Variants in NOP58 observed in about 807,000 individuals in gnomAD.
NOP58 encodes NOP58 ribonucleoprotein, also known as nucleolar protein 58.
Under a neutral mutation model 71.2 loss-of-function variants are expected in NOP58, and 44 were observed. The observed-to-expected ratio is 0.62, with a 90% CI of 0.49 to 0.79. The LOEUF is 0.79. Among genes scored for constraint, NOP58 ranks in the 30% least tolerant of loss-of-function variants. The pLI is 0.00. For missense variants in NOP58, 538 were observed against 620.2 expected, an observed-to-expected ratio of 0.87 and a Z score of 1.41; for synonymous variants, 228 against 200.3, an observed-to-expected ratio of 1.14 and a Z score of -1.17.
chr2:202,281,589 GCCACCACAC>G (rs1308826822), intron 3 of NOP58, among the ~76,000 whole-genome samples: 2 of 152,120 alleles, frequency 1.3e-5, no homozygotes, highest in African/African-American at 4.8e-5. Flanking sequence ...ACAGGCACAT[GCCACCACAC>G]CCAGCTAATT....
At chr2:202,292,720 A>G (rs1344917556) in intron 8 of NOP58, 57 bp from the exon 9 acceptor site, 2 of 1,463,218 alleles carry the variant, frequency 1.4e-6, no homozygotes, top group Non-Finnish European at 1.9e-6. Context: ...TTAGACAGGA[A>G]TTTTTACTGT....
chr2:202,297,300 C>G (rs913532392), intron 10 of NOP58, 79 bp from the exon 11 acceptor site: 1 of 1,310,500 alleles, frequency 7.6e-7, no homozygotes, highest in African/African-American at 1.5e-5. Context: ...AGTTTTATAA[C>G]TCCTGATTTT....
At chr2:202,296,033 AT>A (rs1486535652) in intron 10 of NOP58, among the ~76,000 whole-genome samples, 196 bp downstream of exon 10, 1 of 152,064 alleles carries the variant, frequency 6.6e-6, no homozygotes, top group African/African-American at 2.4e-5. Context: ...TATTGGTTGG[AT>A]TAAAGCCAGT....
At chr2:202,280,116 T>C (rs931439202) in intron 3 of NOP58, among the ~76,000 whole-genome samples, 1 of 152,196 alleles carries the variant, frequency 6.6e-6, no homozygotes, top group Non-Finnish European at 1.5e-5. Flanking sequence ...AATTCAGTTC[T>C]CACTGCCTAT....
At position 202,300,455 on chromosome 2, in the gene NOP58, A is replaced by G. The variant is rs560658211; in HGVS notation, c.1402+88A>G. 2.4e-5 allele frequency: 26 copies of G among 1,093,712 alleles called. No individual in the cohort carries two copies. The South Asian group carries it at 4.2e-4, about 18-fold the overall frequency. 67.8% of individuals were successfully genotyped at this position (1,093,712 alleles called of 1,614,324 possible). On this transcript the variant is annotated intron_variant, in intron 13 of 14. Coordinates refer to ENST00000264279, the MANE Select transcript of NOP58 (RefSeq NM_015934.5). Reference sequence around the variant, plus strand: ...GAGTCTTAAAAGTACATGCCATCCCACTTTATTATAAAACTGCTCATTGAA... The same window carrying G: ...GAGTCTTAAAAGTACATGCCATCCCGCTTTATTATAAAACTGCTCATTGAA...
At chr2:202,286,270 T>G (rs7582299) in intron 5 of NOP58, among the ~76,000 whole-genome samples, 5 of 150,440 alleles carry the variant, frequency 3.3e-5, no homozygotes, top group Non-Finnish European at 7.4e-5. Flanking sequence ...TTTGCGAGGC[T>G]GAGGCAGGTG....
Position 202,282,595 on chromosome 2 carries a change from A to G in NOP58, c.297+123A>G, listed in dbSNP as rs77662381. On this transcript the variant is annotated intron_variant, in intron 4 of 14. Coordinates refer to ENST00000264279, the MANE Select transcript of NOP58 (RefSeq NM_015934.5). Reference sequence around the variant, plus strand: ...CTCAATACATTTTTTTCTTTTCTCTAAGCTACATGATAATGGATTTCCCCT... The same window carrying G: ...CTCAATACATTTTTTTCTTTTCTCTGAGCTACATGATAATGGATTTCCCCT... 1,778 of 914,820 alleles carry G rather than the reference A, an allele frequency of 1.9e-3. 31 individuals are homozygous for G. The African/African-American group carries it at 0.026, about 14-fold the overall frequency. The allele number at this position is 914,820 out of a possible 1,614,324, so 56.7% of individuals were successfully genotyped here. A position where few individuals can be genotyped will look rare whatever the true frequency, so the allele number is the denominator to read the frequency against.
intron 1 of NOP58, among the ~76,000 whole-genome samples, chr2:202,269,741 A>G (rs576116357): frequency 2.1e-4 from 32 of 151,834 alleles, no homozygotes; most frequent in African/African-American, 6.5e-4. Context: ...ACTCCGTCTC[A>G]AAAAAAAGAA....
intron 1 of NOP58, among the ~76,000 whole-genome samples, chr2:202,274,560 G>C (rs1027822882): frequency 6.6e-6 from 1 of 151,868 alleles, no homozygotes; most frequent in Non-Finnish European, 1.5e-5. Context: ...AGTTTTTAAT[G>C]ATTACAATAC....
chr2:202,301,360 T>G (rs1214379601), intron 13 of NOP58, among the ~76,000 whole-genome samples: 4 of 152,124 alleles, frequency 2.6e-5, no homozygotes, highest in African/African-American at 4.8e-5. Flanking sequence ...AATTTTTTTA[T>G]TTTTAGTAGA....
chr2:202,294,820 A>G (rs556671020), intron 9 of NOP58, among the ~76,000 whole-genome samples: 2 of 152,234 alleles, frequency 1.3e-5, no homozygotes, highest in African/African-American at 4.8e-5. Context: ...AAAAAAAATT[A>G]GCTGGGTGTA....
intron 13 of NOP58, 99 bp from the exon 14 acceptor site, chr2:202,302,822 A>C: frequency 6.8e-7 from 1 of 1,472,038 alleles, no homozygotes. Flanking sequence ...TGGGTAGTTG[A>C]TGAGAATGAC....
chr2:202,297,854 A>G lies in NOP58; in HGVS notation c.1216A>G (p.Ile406Val). The change falls in exon 12 of 15, where the codon ATA becomes GTA. Residue 406 changes from isoleucine (I) to valine (V), a missense_variant. Transcript: ENST00000264279. ...RTLEDRGIRK[I>V]SGTGKALAKT... is the part of the protein sequence containing the mutation. ...TTCGTTTTCTTCTTAGATAAGAAAAATAAGTGGAACAGGAAAAGCATTAGC... is the reference window on the plus strand; with the variant it reads ...TTCGTTTTCTTCTTAGATAAGAAAAGTAAGTGGAACAGGAAAAGCATTAGC... The G allele has an allele frequency of 6.4e-7, 1 of 1,572,246 alleles. No individual in the cohort carries two copies. The highest frequency in any genetic ancestry group is 8.7e-7 in the Non-Finnish European group (1 of 1,156,068).
intron 4 of NOP58, 25 bp from the exon 5 acceptor site, chr2:202,284,320 A>G (rs367761144): frequency 5.9e-6 from 9 of 1,524,732 alleles, no homozygotes; most frequent in Non-Finnish European, 8.0e-6. Context: ...TTTTTAATTT[A>G]ATATAGATGT....
At chr2:202,301,743 A>G (rs1259564351) in intron 13 of NOP58, among the ~76,000 whole-genome samples, 1 of 151,790 alleles carries the variant, frequency 6.6e-6, no homozygotes, top group East Asian at 1.9e-4. Flanking sequence ...CATCTGCTCT[A>G]CTCTACCTGG....
At chr2:202,291,878 C>G (rs779497486) in intron 8 of NOP58, among the ~76,000 whole-genome samples, 18 of 131,254 alleles carry the variant, frequency 1.4e-4, no homozygotes, top group South Asian at 2.7e-4. Context: ...AGTCTTATGT[C>G]TATATCTTGT....
At chr2:202,302,083 C>CTTTTTTT (rs71031885) in intron 13 of NOP58, among the ~76,000 whole-genome samples, 20 of 90,582 alleles carry the variant, frequency 2.2e-4, no homozygotes, top group Non-Finnish European at 3.6e-4. Context: ...TTTTTTTTTT[C>CTTTTTTT]TTTTTTTTTT....
chr2:202,270,895 C>G (rs547733249), intron 1 of NOP58, among the ~76,000 whole-genome samples: 7 of 152,004 alleles, frequency 4.6e-5, no homozygotes, highest in African/African-American at 1.7e-4. Context: ...TGAAACCAGC[C>G]TGGCCAACAT....
At chr2:202,266,061 G>T in intron 1 of NOP58, 75 bp downstream of exon 1, 1 of 1,544,506 alleles carries the variant, frequency 6.5e-7, no homozygotes, top group Non-Finnish European at 9.0e-7. Flanking sequence ...ACTTAAGCAC[G>T]GAACTACTCA....
Sources: allele counts gnomAD v4.1 joint callset (sites outside exome capture counted in the v4.1 genomes callset), GRCh38; gene constraint gnomAD v4.1.1; transcripts MANE v1.5; gene names NCBI Gene and HGNC (gene_info 2026-07-23, HGNC 2026-07-21).